SPATA31C1: variants seen among roughly 807,000 people sequenced by gnomAD.
The protein encoded by SPATA31C1 is SPATA31 subfamily C member 1.
chr9:87,923,361 C>A lies in SPATA31C1; in HGVS notation n.3751C>A, dbSNP rs750700479. 3 of 1,602,536 alleles carry A rather than the reference C, an allele frequency of 1.9e-6. No individual in the cohort carries two copies. In the East Asian group the frequency reaches 6.8e-5, roughly 36 times the overall value. ...GAAAAGTGTCCGGTGCAACAATGAG[C>A]AATGGGGCCTGCGACATCCCCAACT... On this transcript the variant is annotated non_coding_transcript_exon_variant, in exon 5 of 5. Transcript: ENST00000420021.
At position 87,923,188 on chromosome 9, in the gene SPATA31C1, C is replaced by T. The variant is rs756261094; in HGVS notation, n.3578C>T. The T allele has an allele frequency of 4.6e-5, 73 of 1,603,254 alleles. 1 individual carries two copies. The South Asian group carries it at 7.1e-4, about 16-fold the overall frequency. On this transcript the variant is annotated non_coding_transcript_exon_variant, in exon 5 of 5. Coordinates refer to ENST00000420021, the Ensembl canonical transcript of SPATA31C1. ...CAGCAAAGACAGCAGTTTCAAGCCCCAGTCTGTGGGTTTCCCTGCAACCAC... is the reference window on the plus strand; with the variant it reads ...CAGCAAAGACAGCAGTTTCAAGCCCTAGTCTGTGGGTTTCCCTGCAACCAC...
exon 5 of SPATA31C1, chr9:87,921,325 T>C: frequency 1.2e-6 from 2 of 1,611,996 alleles, no homozygotes; most frequent in Non-Finnish European, 1.7e-6. Context: ...CAAGAGTCTC[T>C]GGATCTGATG....
At chr9:87,917,498 AAAT>A (rs1828757269) in intron 1 of SPATA31C1, 1 of 83,702 alleles carries the variant, frequency 1.2e-5, no homozygotes, top group Admixed American at 1.3e-4. Context: ...TTGCAAAACT[AAAT>A]AAGAGTAAAA....
rs578021136 is a variant in SPATA31C1 at position 87,920,928 on chromosome 9, C to T, written n.1318C>T. Reference sequence around the variant, plus strand: ...GTCCCATCTGGGGCCTGAGTCCCAACCCTTTATTTCATCCACACCCCAATT... The same window carrying T: ...GTCCCATCTGGGGCCTGAGTCCCAATCCTTTATTTCATCCACACCCCAATT... On this transcript the variant is annotated non_coding_transcript_exon_variant, in exon 5 of 5. Transcript: ENST00000420021. 6.2e-6 allele frequency: 10 copies of T among 1,613,238 alleles called. No homozygotes were observed. In the East Asian group the frequency reaches 6.7e-5, roughly 11 times the overall value.
chr9:87,919,845 G>C (rs2117987229), intron 3 of SPATA31C1, 71 bp from the exon 3 acceptor site: 1 of 1,596,500 alleles, frequency 6.3e-7, no homozygotes, highest in African/African-American at 1.4e-5. Flanking sequence ...CTTCCCTAAA[G>C]AAACATACAC....
exon 5 of SPATA31C1, chr9:87,921,598 A>G (rs777525218): frequency 1.9e-6 from 3 of 1,612,016 alleles, no homozygotes; most frequent in Non-Finnish European, 1.7e-6. Context: ...TTGAGGAGTG[A>G]CTCAGGAAGT....
chr9:87,920,093 T>C, intron 4 of SPATA31C1, 117 bp downstream of exon 3: 1 of 1,607,416 alleles, frequency 6.2e-7, no homozygotes, highest in Non-Finnish European at 8.5e-7. Flanking sequence ...AGGATGGGAG[T>C]AAAGCCCTGG....
At position 87,921,622 on chromosome 9, in the gene SPATA31C1, G is replaced by A. The variant is rs562022398; in HGVS notation, n.2012G>A. On this transcript the variant is annotated non_coding_transcript_exon_variant, in exon 5 of 5. Coordinates refer to ENST00000420021, the Ensembl canonical transcript of SPATA31C1. The stretch of plus-strand genomic sequence containing the variant: ...GACTCAGGAAGTGATTTATTAAGAC[G>A]CACAGAGAGGAATCATATAGAAAAC... The A allele has an allele frequency of 3.8e-5, 62 of 1,612,022 alleles. 1 individual carries two copies. Among genetic ancestry groups the A allele is most frequent in the South Asian group, 2.2e-4 (20 of 90,994 alleles).
Position 87,915,882 on chromosome 9 carries a change from T to C in SPATA31C1, n.189+1172T>C, listed in dbSNP as rs1013792021. Among the ~76,000 whole-genome samples, 10 of 145,388 alleles carry C rather than the reference T, an allele frequency of 6.9e-5. 2 individuals carry two copies. The highest frequency in any genetic ancestry group is 1.5e-4 in the Non-Finnish European group (10 of 65,448). On this transcript the variant is annotated intron_variant and non_coding_transcript_variant, in intron 1 of 4. Coordinates refer to ENST00000420021, the Ensembl canonical transcript of SPATA31C1. Reference sequence around the variant, plus strand: ...CCCACTTTATTCTTCTATTTCAGACTTGTTTTGTTGAGCTGTATTATAGAA... The same window carrying C: ...CCCACTTTATTCTTCTATTTCAGACCTGTTTTGTTGAGCTGTATTATAGAA...
exon 5 of SPATA31C1, chr9:87,922,006 A>C (rs541132461): frequency 6.2e-7 from 1 of 1,613,792 alleles, no homozygotes; most frequent in South Asian, 1.1e-5. Flanking sequence ...GACACCTGCG[A>C]ATCTGGGGCT....
At chr9:87,923,462 CCAT>C in exon 5 of SPATA31C1, 3 of 1,596,384 alleles carry the variant, frequency 1.9e-6, no homozygotes, top group Non-Finnish European at 2.6e-6. Flanking sequence ...CCTCCAGCCA[CCAT>C]CACCACTGAC....
Position 87,921,584 on chromosome 9 carries a change from G to T in SPATA31C1, n.1974G>T, listed in dbSNP as rs930723319. 5 of 1,611,904 alleles carry T rather than the reference G, an allele frequency of 3.1e-6. No homozygotes were observed. In the African/African-American group the frequency reaches 6.7e-5, roughly 22 times the overall value. On this transcript the variant is annotated non_coding_transcript_exon_variant, in exon 5 of 5. Transcript: ENST00000420021. ...AGGAGTCAGAAAGGAACCTGAGGAA[G>T]CCCTTGAGGAGTGACTCAGGAAGTG...
exon 5 of SPATA31C1, chr9:87,920,721 T>C (rs775713417): frequency 1.1e-5 from 17 of 1,613,880 alleles, no homozygotes; most frequent in East Asian, 8.9e-5. Flanking sequence ...ACGTGAGGAT[T>C]TGGCGGCTTC....
exon 5 of SPATA31C1, chr9:87,921,863 G>A (rs1325366184): frequency 5.0e-6 from 8 of 1,612,040 alleles, no homozygotes; most frequent in Admixed American, 1.7e-5. Flanking sequence ...AGCAGGTGCT[G>A]GAAGCCCATA....
exon 5 of SPATA31C1, chr9:87,920,350 G>A (rs762651593): frequency 1.6e-5 from 26 of 1,613,790 alleles, no homozygotes; most frequent in Middle Eastern, 1.6e-4. Flanking sequence ...GGAGCCTCCC[G>A]GTCCTCTCAT....
chr9:87,919,348 G>A lies in SPATA31C1; in HGVS notation n.580G>A, dbSNP rs767648105. 1.9e-6 allele frequency: 3 copies of A among 1,602,538 alleles called. No homozygotes were observed. In the South Asian group the frequency reaches 3.3e-5, roughly 18 times the overall value. Reference sequence around the variant, plus strand: ...CAGGATGAAAAACCACAGTCTGAGAGGTAAGGCTCTGCCAGGGCACACTAG... The same window carrying A: ...CAGGATGAAAAACCACAGTCTGAGAAGTAAGGCTCTGCCAGGGCACACTAG... On this transcript the variant is annotated splice_region_variant and non_coding_transcript_exon_variant, in exon 3 of 5. Coordinates refer to ENST00000420021, the Ensembl canonical transcript of SPATA31C1.
chr9:87,921,256 C>T, exon 5 of SPATA31C1: 2 of 1,611,994 alleles, frequency 1.2e-6, no homozygotes, highest in Non-Finnish European at 8.5e-7. Context: ...GAGAACTTTC[C>T]AGTCAGTCCT....
chr9:87,921,631 G>A (rs191890187), exon 5 of SPATA31C1: 18 of 1,612,026 alleles, frequency 1.1e-5, no homozygotes, highest in South Asian at 2.2e-5. Context: ...CGCACAGAGA[G>A]GAATCATATA....
chr9:87,921,403 C>T (rs774566223), exon 5 of SPATA31C1: 15 of 1,611,678 alleles, frequency 9.3e-6, no homozygotes, highest in Non-Finnish European at 1.3e-5. Flanking sequence ...CAGTCCTCCA[C>T]GTCCACAGGT....
Sources: allele counts gnomAD v4.1 joint callset (sites outside exome capture counted in the v4.1 genomes callset), GRCh38; gene constraint gnomAD v4.1.1; transcripts MANE v1.5; gene names NCBI Gene and HGNC (gene_info 2026-07-23, HGNC 2026-07-21).